SOX6: variants seen among roughly 807,000 people sequenced by gnomAD.
SOX6 encodes the protein transcription factor SOX-6.
SOX6 carries 11 observed loss-of-function variants against 97.8 expected under a neutral mutation model. The observed-to-expected ratio is 0.11, with a 90% CI of 0.07 to 0.19. The LOEUF (loss-of-function observed/expected upper bound fraction) is 0.19. SOX6 is among the 10% of genes least tolerant of loss of function. The pLI, the probability that SOX6 is intolerant of heterozygous loss-of-function variation, is 1.00. For synonymous variants in SOX6, 360 were observed against 371.4 expected, an observed-to-expected ratio of 0.97 and a Z score of 0.35; for missense variants, 810 against 1,039.5, an observed-to-expected ratio of 0.78 and a Z score of 3.04.
chr11:16,479,236 C>G (rs1339186910), upstream of SOX6, among the ~76,000 whole-genome samples: 1 of 152,068 alleles, frequency 6.6e-6, no homozygotes, highest in African/African-American at 2.4e-5. Context: ...TTCAATATAA[C>G]AATGCACAAG....
intron 4 of SOX6, among the ~76,000 whole-genome samples, chr11:16,521,020 C>G (rs1861049774): frequency 6.6e-6 from 1 of 152,210 alleles, no homozygotes; most frequent in Non-Finnish European, 1.5e-5. Context: ...AGGAGGCCTC[C>G]CTGCCTCTGT....
chr11:15,977,220 T>C (rs1035362595), intron 15 of SOX6, among the ~76,000 whole-genome samples: 1 of 152,054 alleles, frequency 6.6e-6, no homozygotes, highest in African/African-American at 2.4e-5. Flanking sequence ...GCTATCTCTG[T>C]AGATGTTCAT....
chr11:16,197,638 G>A (rs903681577), intron 4 of SOX6, among the ~76,000 whole-genome samples: 3 of 152,180 alleles, frequency 2.0e-5, no homozygotes, highest in African/African-American at 7.2e-5. Flanking sequence ...CCTTAATAAT[G>A]ATTCCTGGGT....
Position 15,971,611 on chromosome 11 carries a change from C to T in SOX6, c.*1198G>A, listed in dbSNP as rs1853316073. 1 of 152,358 alleles carries T rather than the reference C, an allele frequency of 6.6e-6. No homozygotes were observed. The highest frequency in any genetic ancestry group is 1.5e-5 in the Non-Finnish European group (1 of 68,016). The allele number at this position is 152,358 out of a possible 1,614,324, so 9.4% of individuals were successfully genotyped here. A position where few individuals can be genotyped will look rare whatever the true frequency, so the allele number is the denominator to read the frequency against. On this transcript the variant is annotated 3_prime_UTR_variant, in exon 16 of 16. Coordinates refer to ENST00000683767, the MANE Select transcript of SOX6 (RefSeq NM_001367873.1). Reference sequence around the variant, plus strand: ...AAGTGTAAGACTATATACCTATATCCCAATACACAGCCCTGCAGCCAGATA... The same window carrying T: ...AAGTGTAAGACTATATACCTATATCTCAATACACAGCCCTGCAGCCAGATA...
chr11:16,491,030 TAGAC>T (rs1396909157), intron 4 of SOX6, among the ~76,000 whole-genome samples: 1 of 152,106 alleles, frequency 6.6e-6, no homozygotes, highest in Non-Finnish European at 1.5e-5. Context: ...TTGGAAGTAT[TAGAC>T]AGTACAATTA....
rs1284346433 is a variant in SOX6 at position 16,099,443 on chromosome 11, A to G, written c.899-1755T>C. On this transcript the variant is annotated intron_variant, in intron 7 of 15. Transcript: ENST00000683767. ...ACGATGCTGAATTAATGATGCTTCA[A>G]AAATAGGGGAAAAAAATCACCATTC... Among the ~76,000 whole-genome samples the G allele has an allele frequency of 2.6e-5, 4 of 151,562 alleles. No individual in the cohort carries two copies. The East Asian group carries it at 7.8e-4, about 29-fold the overall frequency.
Position 15,970,748 on chromosome 11 carries a change from C to A in SOX6, c.*2061G>T, listed in dbSNP as rs1183134272. ...CTGTTTATTGCTATTAGGCCTTGAG[C>A]ACTCTTAAATAAATACAAAGGTACA... On this transcript the variant is annotated 3_prime_UTR_variant, in exon 16 of 16. Coordinates refer to ENST00000683767, the MANE Select transcript of SOX6 (RefSeq NM_001367873.1). The A allele has an allele frequency of 6.6e-6, 1 of 152,630 alleles. No homozygotes were observed. The highest frequency in any genetic ancestry group is 1.5e-5 in the Non-Finnish European group (1 of 68,050). The allele number at this position is 152,630 out of a possible 1,614,324, so 9.5% of individuals were successfully genotyped here. A position where few individuals can be genotyped will look rare whatever the true frequency, so the allele number is the denominator to read the frequency against.
At chr11:16,554,153 C>T (rs1847722485) in intron 4 of SOX6, among the ~76,000 whole-genome samples, 1 of 152,122 alleles carries the variant, frequency 6.6e-6, no homozygotes, top group Non-Finnish European at 1.5e-5. Context: ...TTATTCCCAA[C>T]ACTACCCAAC....
chr11:16,000,019 AC>A (rs1854356175), intron 13 of SOX6, among the ~76,000 whole-genome samples: 1 of 152,224 alleles, frequency 6.6e-6, no homozygotes, highest in South Asian at 2.1e-4. Context: ...TATTTATCCT[AC>A]CAAATTTATC....
rs1242123159 is a variant in SOX6 at position 16,240,760 on chromosome 11, A to G, written c.446-6089T>C. 2.6e-5 allele frequency among the ~76,000 whole-genome samples: 4 copies of G among 152,034 alleles called. 1 individual carries two copies. Among genetic ancestry groups the G allele is most frequent in the Admixed American group, 1.3e-4 (2 of 15,222 alleles). On this transcript the variant is annotated intron_variant, in intron 3 of 15. Transcript: ENST00000683767. Reference sequence around the variant, plus strand: ...GCTGCTATAACTAAAAAAGACTTCAATGATCATAAAGACCAATACCCTCAT... The same window carrying G: ...GCTGCTATAACTAAAAAAGACTTCAGTGATCATAAAGACCAATACCCTCAT...
intron 4 of SOX6, among the ~76,000 whole-genome samples, chr11:16,498,018 G>A: frequency 6.6e-6 from 1 of 152,170 alleles, no homozygotes; most frequent in Non-Finnish European, 1.5e-5. Flanking sequence ...ATAACTGTCA[G>A]ATTCACCAAA....
At chr11:16,480,645 A>ACCC (rs11343081), upstream of SOX6, among the ~76,000 whole-genome samples, 7 of 148,104 alleles carry the variant, frequency 4.7e-5, no homozygotes, top group African/African-American at 9.9e-5. Flanking sequence ...GTTTTTAGTA[A>ACCC]CCCCCCCCCC....
intron 11 of SOX6, 121 bp downstream of exon 11, chr11:16,049,634 G>T (rs1847633559): frequency 8.7e-7 from 1 of 1,154,134 alleles, no homozygotes; most frequent in African/African-American, 1.6e-5. Context: ...CAGTAGAAAA[G>T]ATAAGAGTAT....
intron 10 of SOX6, among the ~76,000 whole-genome samples, chr11:16,052,778 G>A (rs1847718174): frequency 6.6e-6 from 1 of 152,084 alleles, no homozygotes; most frequent in Non-Finnish European, 1.5e-5. Flanking sequence ...AGCATTTTTA[G>A]GCAAGGTCAG....
chr11:16,141,022 G>A (rs775830370), intron 6 of SOX6, among the ~76,000 whole-genome samples: 13 of 152,066 alleles, frequency 8.5e-5, no homozygotes, highest in Non-Finnish European at 1.6e-4. Flanking sequence ...GCTGAGACAG[G>A]AGAATCACTT....
chr11:16,210,524 TTC>T (rs1228327447), intron 4 of SOX6, among the ~76,000 whole-genome samples: 1 of 152,106 alleles, frequency 6.6e-6, no homozygotes, highest in Non-Finnish European at 1.5e-5. Flanking sequence ...GGTAAGAAAT[TTC>T]TCTGAGGGTG....
At chr11:16,361,675 A>G (rs1857215010) in intron 1 of SOX6, among the ~76,000 whole-genome samples, 1 of 152,174 alleles carries the variant, frequency 6.6e-6, no homozygotes. Context: ...GAACCAGTGA[A>G]ATACAACCAC....
rs1451899878 is a variant in SOX6 at position 16,132,505 on chromosome 11, A to AAAGAAAGAAAGAAAGCAAGCAAGCAAGC, written c.778-20583_778-20582insGCTTGCTTGCTTGCTTTCTTTCTTTCTT. On this transcript the variant is annotated intron_variant, in intron 6 of 15. Transcript: ENST00000683767. ...GAAAGAAAGAAAGAAAGAAAGAAAG[A>AAAGAAAGAAAGAAAGCAAGCAAGCAAGC]AAGCTTATCTTTGTATCTAGGAAGA... 5.0e-4 allele frequency among the ~76,000 whole-genome samples: 43 copies of AAAGAAAGAAAGAAAGCAAGCAAGCAAGC among 86,206 alleles called. 1 individual carries two copies. Among genetic ancestry groups the AAAGAAAGAAAGAAAGCAAGCAAGCAAGC allele is most frequent in the Non-Finnish European group, 7.3e-4 (28 of 38,488 alleles). 56.6% of individuals were successfully genotyped at this position (86,206 alleles called of 152,430 possible).
At chr11:16,375,764 G>A (rs943097401) in intron 1 of SOX6, among the ~76,000 whole-genome samples, 1 of 152,076 alleles carries the variant, frequency 6.6e-6, no homozygotes, top group Non-Finnish European at 1.5e-5. Flanking sequence ...ATTCACAATA[G>A]CAGACTTGGA....
Sources: gnomAD v4.1 joint callset for allele counts (sites outside exome capture counted in the v4.1 genomes callset) on GRCh38, gnomAD v4.1.1 for gene constraint, MANE v1.5 for transcripts, NCBI Gene and HGNC (gene_info 2026-07-23, HGNC 2026-07-21) for gene names.